Variants in LYPD6B observed in about 807,000 individuals in gnomAD.
LYPD6B encodes LY6/PLAUR domain containing 6B, also known as ly6/PLAUR domain-containing protein 6B.
A neutral mutation model predicts 22.8 loss-of-function variants in LYPD6B; 17 were observed. The observed-to-expected ratio is 0.75, with a 90% CI of 0.51 to 1.12. The LOEUF is 1.12. Ranked by LOEUF, LYPD6B falls within the 50% of genes most tolerant of loss-of-function variation. The pLI, the probability that LYPD6B is intolerant of heterozygous loss-of-function variation, is 0.00. For synonymous variants in LYPD6B, 106 were observed against 91.6 expected (o/e 1.16, Z -0.90); for missense variants, 221 against 258.3 (o/e 0.86, Z 0.99).
At chr2:149,049,880 A>C (rs558467344) in intron 1 of LYPD6B, among the ~76,000 whole-genome samples, 150 of 152,174 alleles carry the variant, frequency 9.9e-4, no homozygotes, top group African/African-American at 3.3e-3. Flanking sequence ...AGGGAGGAAA[A>C]AGCTATGTTA....
intron 3 of LYPD6B, among the ~76,000 whole-genome samples, chr2:149,201,833 C>T (rs538356617): frequency 6.6e-6 from 1 of 152,152 alleles, no homozygotes; most frequent in Non-Finnish European, 1.5e-5. Flanking sequence ...GTATACTTCT[C>T]GTTAGTTTTC....
At chr2:149,071,710 G>A (rs773662728) in intron 1 of LYPD6B, among the ~76,000 whole-genome samples, 3 of 152,122 alleles carry the variant, frequency 2.0e-5, no homozygotes, top group Non-Finnish European at 4.4e-5. Context: ...CGAGGCAGGC[G>A]CTTTTGGTTA....
At chr2:149,066,616 C>A (rs1463397518) in intron 1 of LYPD6B, among the ~76,000 whole-genome samples, 1 of 151,976 alleles carries the variant, frequency 6.6e-6, no homozygotes, top group Non-Finnish European at 1.5e-5. Flanking sequence ...ATGCCATATA[C>A]ATAACAGTTG....
At chr2:149,143,962 T>A (rs1033444199) in intron 2 of LYPD6B, 1 of 152,214 alleles carries the variant, frequency 6.6e-6, no homozygotes, top group Admixed American at 6.5e-5. Flanking sequence ...ATTGGGTAAG[T>A]GTGGTCAGCA....
intron 3 of LYPD6B, among the ~76,000 whole-genome samples, chr2:149,201,717 A>G (rs558884954): frequency 7.2e-5 from 11 of 152,378 alleles, no homozygotes; most frequent in Admixed American, 2.0e-4. Context: ...CTCACTTGAC[A>G]GGCAAAACTT....
At chr2:149,089,973 C>T (rs914456388) in intron 1 of LYPD6B, among the ~76,000 whole-genome samples, 4 of 152,146 alleles carry the variant, frequency 2.6e-5, no homozygotes, top group Admixed American at 1.3e-4. Flanking sequence ...TCAGATCTTA[C>T]CTCACGTTCT....
chr2:149,163,079 AG>A (rs1690189211), intron 3 of LYPD6B, among the ~76,000 whole-genome samples: 1 of 152,114 alleles, frequency 6.6e-6, no homozygotes, highest in Admixed American at 6.5e-5. Flanking sequence ...GCTTGCCTGG[AG>A]CCCAGATTCA....
At chr2:149,170,852 G>A (rs1690767512) in intron 3 of LYPD6B, among the ~76,000 whole-genome samples, 1 of 152,128 alleles carries the variant, frequency 6.6e-6, no homozygotes, top group Non-Finnish European at 1.5e-5. Context: ...TTTGTCTTCA[G>A]GCACTTGAAA....
At chr2:149,126,949 A>G (rs1204395224) in intron 1 of LYPD6B, among the ~76,000 whole-genome samples, 1 of 145,300 alleles carries the variant, frequency 6.9e-6, no homozygotes, top group Non-Finnish European at 1.5e-5. Flanking sequence ...TTTTTTTCAT[A>G]AGCTTTGTCA....
At chr2:149,174,987 A>T (rs1400144309) in intron 3 of LYPD6B, among the ~76,000 whole-genome samples, 1 of 151,868 alleles carries the variant, frequency 6.6e-6, no homozygotes. Context: ...AAGGGAAGAG[A>T]TATATAATTA....
chr2:149,147,148 T>C (rs448150), intron 2 of LYPD6B, among the ~76,000 whole-genome samples: 96,626 of 152,062 alleles, frequency 0.64, 30,834 homozygotes, highest in South Asian at 0.75. Context: ...GGCCCTGATG[T>C]CTACTCTGCT....
chr2:149,100,618 C>T (rs1686156407), intron 1 of LYPD6B, among the ~76,000 whole-genome samples: 1 of 152,104 alleles, frequency 6.6e-6, no homozygotes, highest in African/African-American at 2.4e-5. Context: ...AGAGGGTTAA[C>T]TAGTCAATGC....
chr2:149,209,692 T>C (rs573642536), intron 5 of LYPD6B, among the ~76,000 whole-genome samples: 2 of 152,328 alleles, frequency 1.3e-5, no homozygotes, highest in Admixed American at 1.3e-4. Flanking sequence ...TGGAGACCTC[T>C]ACTATGCCTG....
At chr2:149,213,511 G>C (rs1349135565) in intron 6 of LYPD6B, among the ~76,000 whole-genome samples, 2 of 152,236 alleles carry the variant, frequency 1.3e-5, no homozygotes, top group Admixed American at 1.3e-4. Flanking sequence ...ATGAACTGTA[G>C]ATACCTTTTA....
At chr2:149,201,017 A>G (rs1300252398) in intron 3 of LYPD6B, among the ~76,000 whole-genome samples, 1 of 152,232 alleles carries the variant, frequency 6.6e-6, no homozygotes, top group African/African-American at 2.4e-5. Context: ...GTGTTGGGAA[A>G]AATGTTTTGA....
chr2:149,056,170 C>T (rs1254165839), intron 1 of LYPD6B, among the ~76,000 whole-genome samples: 2 of 152,206 alleles, frequency 1.3e-5, no homozygotes, highest in Non-Finnish European at 2.9e-5. Flanking sequence ...GTTTGACTAA[C>T]ATTATCCAAT....
At chr2:149,076,660 CAAG>C (rs933089844) in intron 1 of LYPD6B, among the ~76,000 whole-genome samples, 1 of 151,870 alleles carries the variant, frequency 6.6e-6, no homozygotes, top group African/African-American at 2.4e-5. Context: ...GAAAAAAAGA[CAAG>C]AAGAGAATGT....
intron 1 of LYPD6B, among the ~76,000 whole-genome samples, chr2:149,128,659 G>A (rs552006217): frequency 3.3e-4 from 51 of 152,296 alleles, no homozygotes; most frequent in African/African-American, 1.2e-3. Flanking sequence ...GTCTTTGAAT[G>A]TGAACATTTC....
intron 2 of LYPD6B, among the ~76,000 whole-genome samples, chr2:149,149,882 C>A (rs1559033870): frequency 6.6e-6 from 1 of 152,164 alleles, no homozygotes; most frequent in African/African-American, 2.4e-5. Context: ...GTAGAGACCA[C>A]CTTCCTTTAT....
Sources: gnomAD v4.1 joint callset for allele counts (sites outside exome capture counted in the v4.1 genomes callset) on GRCh38, gnomAD v4.1.1 for gene constraint, MANE v1.5 for transcripts, NCBI Gene and HGNC (gene_info 2026-07-23, HGNC 2026-07-21) for gene names.